The following RAB4A variants were observed in gnomAD, a reference collection of about 807,000 sequenced individuals.
RAB4A encodes the protein ras-related protein Rab-4A.
RAB4A carries 20 observed loss-of-function variants against 34.5 expected under a neutral mutation model. That is an observed-to-expected ratio of 0.58 (90% CI 0.41 to 0.84). The LOEUF (loss-of-function observed/expected upper bound fraction) is 0.84. Among genes scored for constraint, RAB4A ranks in the 40% least tolerant of loss-of-function variants. The probability of loss-of-function intolerance (pLI) is 0.00; values close to 1 mark genes in which losing one functional copy is unlikely to be tolerated. For missense variants in RAB4A, 228 were observed against 274.5 expected (o/e 0.83, Z 1.20); for synonymous variants, 102 against 100.0 (o/e 1.02, Z -0.12).
intron 1 of RAB4A, among the ~76,000 whole-genome samples, chr1:229,276,002 C>G (rs567088661): frequency 6.6e-6 from 1 of 151,328 alleles, no homozygotes; most frequent in Non-Finnish European, 1.5e-5. Flanking sequence ...CCCCAATTGC[C>G]CTTTACCTTA....
At chr1:229,300,813 C>G (rs1371311054) in intron 6 of RAB4A, among the ~76,000 whole-genome samples, 1 of 151,886 alleles carries the variant, frequency 6.6e-6, no homozygotes, top group Non-Finnish European at 1.5e-5. Flanking sequence ...GCAATGTGAT[C>G]GTCCGGAGAA....
intron 3 of RAB4A, among the ~76,000 whole-genome samples, 184 bp from the exon 4 acceptor site, chr1:229,295,664 G>A (rs993088530): frequency 2.0e-5 from 3 of 152,206 alleles, no homozygotes; most frequent in African/African-American, 7.2e-5. Flanking sequence ...CCACAGTGAT[G>A]TGATTTCAGG....
intron 1 of RAB4A, among the ~76,000 whole-genome samples, chr1:229,277,994 C>T (rs1012550569): frequency 1.3e-5 from 2 of 148,840 alleles, no homozygotes. Flanking sequence ...CCTCCTGAGT[C>T]GCTGGGATTA....
intron 3 of RAB4A, among the ~76,000 whole-genome samples, chr1:229,290,928 G>A (rs1657053477): frequency 6.6e-6 from 1 of 152,174 alleles, no homozygotes; most frequent in Non-Finnish European, 1.5e-5. Flanking sequence ...TGAGATTCCA[G>A]ATTAATTGGC....
intron 3 of RAB4A, chr1:229,289,067 T>C: frequency 2.2e-6 from 1 of 464,020 alleles, no homozygotes; most frequent in South Asian, 2.6e-5. Flanking sequence ...TCCGCGCAAC[T>C]GCATTATAAT....
chr1:229,281,414 G>A (rs1656773032), intron 1 of RAB4A, among the ~76,000 whole-genome samples: 1 of 151,892 alleles, frequency 6.6e-6, no homozygotes, highest in Non-Finnish European at 1.5e-5. Flanking sequence ...TATTTTCTTT[G>A]TTCTGAAGTC....
chr1:229,282,218 G>A (rs1400380148), intron 1 of RAB4A, among the ~76,000 whole-genome samples: 3 of 152,028 alleles, frequency 2.0e-5, no homozygotes, highest in African/African-American at 7.2e-5. Flanking sequence ...AGGGCTCTGG[G>A]TTGAAAGGTT....
chr1:229,273,602 A>G (rs1418734526), intron 1 of RAB4A, among the ~76,000 whole-genome samples: 1 of 152,176 alleles, frequency 6.6e-6, no homozygotes, highest in Non-Finnish European at 1.5e-5. Flanking sequence ...TTACCTGGGC[A>G]TGGTGGTACG....
chr1:229,285,934 T>C (rs1291388809), intron 1 of RAB4A, among the ~76,000 whole-genome samples: 1 of 152,240 alleles, frequency 6.6e-6, no homozygotes, highest in Non-Finnish European at 1.5e-5. Flanking sequence ...ATCAGACAAA[T>C]TTCGCACTTG....
chr1:229,304,119 T>C lies in RAB4A; in HGVS notation c.*326T>C, dbSNP rs1657487705. 6.6e-6 allele frequency: 1 copy of C among 152,234 alleles called. No homozygotes were observed. The highest frequency in any genetic ancestry group is 2.4e-5 in the African/African-American group (1 of 41,454). The allele number at this position is 152,234 out of a possible 1,614,324, so 9.4% of individuals were successfully genotyped here. Reference sequence around the variant, plus strand: ...ACAGCATGGAATCTGATGTATGATATGATAGAATGTGGCACTAAATGCAGT... The same window carrying C: ...ACAGCATGGAATCTGATGTATGATACGATAGAATGTGGCACTAAATGCAGT... On this transcript the variant is annotated 3_prime_UTR_variant, in exon 8 of 8. Transcript: ENST00000366690.
chr1:229,291,124 A>G (rs1657058274), intron 3 of RAB4A, among the ~76,000 whole-genome samples: 1 of 152,236 alleles, frequency 6.6e-6, no homozygotes, highest in Non-Finnish European at 1.5e-5. Flanking sequence ...GCTAAAAGAA[A>G]TGGAAGCATT....
chr1:229,299,769 A>G (rs1380532384), intron 6 of RAB4A, among the ~76,000 whole-genome samples: 2 of 152,134 alleles, frequency 1.3e-5, no homozygotes, highest in African/African-American at 4.8e-5. Context: ...CCCCCAAGAA[A>G]CTGTCTTTCA....
chr1:229,293,041 C>G (rs1349676786), intron 3 of RAB4A, among the ~76,000 whole-genome samples: 1 of 152,192 alleles, frequency 6.6e-6, no homozygotes, highest in African/African-American at 2.4e-5. Context: ...ACATCCCCAT[C>G]AGGTTGGAGA....
chr1:229,271,660 C>T (rs1177412746), intron 1 of RAB4A, among the ~76,000 whole-genome samples: 5 of 152,196 alleles, frequency 3.3e-5, no homozygotes, highest in Non-Finnish European at 7.3e-5. Flanking sequence ...ACTCTTAGCG[C>T]TTTTCCCCTC....
intron 1 of RAB4A, among the ~76,000 whole-genome samples, chr1:229,273,701 T>G (rs1400499518): frequency 6.6e-6 from 1 of 152,180 alleles, no homozygotes; most frequent in Non-Finnish European, 1.5e-5. Flanking sequence ...ATTGTGCCAC[T>G]GCACTCCATC....
At chr1:229,286,106 A>G (rs1656917732) in intron 1 of RAB4A, among the ~76,000 whole-genome samples, 1 of 152,240 alleles carries the variant, frequency 6.6e-6, no homozygotes, top group South Asian at 2.1e-4. Flanking sequence ...TTCAAAGTCT[A>G]CCAGGTTTAT....
intron 1 of RAB4A, among the ~76,000 whole-genome samples, chr1:229,272,498 G>C (rs1232327740): frequency 6.6e-6 from 1 of 152,148 alleles, no homozygotes; most frequent in Non-Finnish European, 1.5e-5. Flanking sequence ...TAATCCAATT[G>C]TGATACTAAT....
At chr1:229,292,648 A>G (rs982432133) in intron 3 of RAB4A, among the ~76,000 whole-genome samples, 1 of 152,222 alleles carries the variant, frequency 6.6e-6, no homozygotes, top group Non-Finnish European at 1.5e-5. Flanking sequence ...CTTCCTGACT[A>G]AGAGCTAAAA....
chr1:229,300,554 C>T (rs1056672671), intron 6 of RAB4A, among the ~76,000 whole-genome samples: 1 of 152,088 alleles, frequency 6.6e-6, no homozygotes, highest in African/African-American at 2.4e-5. Context: ...GGAGGAAGGG[C>T]CAGCAGGGGA....
Sources: gnomAD v4.1 joint callset for allele counts (sites outside exome capture counted in the v4.1 genomes callset) on GRCh38, gnomAD v4.1.1 for gene constraint, MANE v1.5 for transcripts, NCBI Gene and HGNC (gene_info 2026-07-23, HGNC 2026-07-21) for gene names.